NAV3: variants seen among roughly 807,000 people sequenced by gnomAD.
NAV3 encodes pore membrane and/or filament interacting like protein 1.
Under a neutral mutation model 244.7 loss-of-function variants are expected in NAV3, and 87 were observed. The ratio of observed to expected loss-of-function variants is 0.36; its 90% CI spans 0.30 to 0.42. NAV3 has a LOEUF of 0.42. Among genes scored for constraint, NAV3 ranks in the 20% least tolerant of loss-of-function variants. The probability of loss-of-function intolerance (pLI) is 1.00; values close to 1 mark genes in which losing one functional copy is unlikely to be tolerated. For synonymous variants in NAV3, 1,126 were observed against 1,042.2 expected (o/e 1.08, Z -1.55); for missense variants, 2,663 against 2,893.3 (o/e 0.92, Z 1.83).
At chr12:77,642,378 C>T (rs1872452789) in intron 2 of NAV3, among the ~76,000 whole-genome samples, 1 of 152,046 alleles carries the variant, frequency 6.6e-6, no homozygotes, top group Admixed American at 6.6e-5. Context: ...TTCAATCAGC[C>T]ACATGGGCTT....
At chr12:77,775,341 G>A (rs556144163) in intron 2 of NAV3, among the ~76,000 whole-genome samples, 31 of 150,848 alleles carry the variant, frequency 2.1e-4, no homozygotes, top group African/African-American at 7.3e-4. Flanking sequence ...GCAGTGAGCC[G>A]AGATTGCACC....
intron 18 of NAV3, among the ~76,000 whole-genome samples, chr12:78,135,741 C>T (rs1028800792): frequency 2.0e-5 from 3 of 152,030 alleles, no homozygotes; most frequent in African/African-American, 7.2e-5. Flanking sequence ...CTAATCAGAC[C>T]GAAATGGTAC....
intron 8 of NAV3, among the ~76,000 whole-genome samples, chr12:78,016,872 G>A (rs1481515000): frequency 6.6e-6 from 1 of 152,094 alleles, no homozygotes; most frequent in African/African-American, 2.4e-5. Flanking sequence ...AGTACATAAA[G>A]AATAACATTT....
At chr12:78,198,956 G>C (rs1959309184) in intron 36 of NAV3, 1 of 427,860 alleles carries the variant, frequency 2.3e-6, no homozygotes, top group Non-Finnish European at 4.2e-6. Flanking sequence ...GAAAAGTAAA[G>C]TAGATGTTTT....
chr12:78,083,291 C>G (rs1190759624), intron 12 of NAV3, among the ~76,000 whole-genome samples: 2 of 152,080 alleles, frequency 1.3e-5, no homozygotes, highest in Non-Finnish European at 2.9e-5. Flanking sequence ...CATGAGGGCT[C>G]AGCCCTCATG....
intron 1 of NAV3, among the ~76,000 whole-genome samples, chr12:77,866,430 G>T (rs1398961474): frequency 6.6e-6 from 1 of 152,104 alleles, no homozygotes; most frequent in African/African-American, 2.4e-5. Flanking sequence ...AGGCCCCCTG[G>T]TCTATGCAGC....
At chr12:78,122,662 C>T (rs546058520) in intron 16 of NAV3, among the ~76,000 whole-genome samples, 2 of 152,178 alleles carry the variant, frequency 1.3e-5, no homozygotes, top group South Asian at 4.2e-4. Context: ...CATTTATACC[C>T]AGTAGGCAAT....
chr12:78,162,901 T>A (rs1197780239), intron 23 of NAV3, among the ~76,000 whole-genome samples: 1 of 127,628 alleles, frequency 7.8e-6, no homozygotes, highest in Non-Finnish European at 1.8e-5. Context: ...AATATATATA[T>A]AAATATATAT....
At position 78,147,586 on chromosome 12, in the gene NAV3, T is replaced by G. The variant is rs190928185; in HGVS notation, c.4707+1194T>G. ...TCTTATAAATGTAAAGCAAATGTTA[T>G]TTTAGACTGGGGTGTATCTGTTCCG... On this transcript the variant is annotated intron_variant, in intron 21 of 39. Coordinates refer to ENST00000397909, the MANE Select transcript of NAV3 (RefSeq NM_001024383.2). 1.2e-4 allele frequency among the ~76,000 whole-genome samples: 18 copies of G among 149,640 alleles called. No homozygotes were observed. In the East Asian group the frequency reaches 2.5e-3, roughly 21 times the overall value.
intron 22 of NAV3, among the ~76,000 whole-genome samples, chr12:78,151,023 A>G (rs1280838708): frequency 6.6e-6 from 1 of 151,890 alleles, no homozygotes; most frequent in African/African-American, 2.4e-5. Flanking sequence ...AATTAGGGAA[A>G]AGAAAACATC....
At chr12:77,619,820 G>A (rs1355579847) in intron 2 of NAV3, among the ~76,000 whole-genome samples, 1 of 151,854 alleles carries the variant, frequency 6.6e-6, no homozygotes, top group Admixed American at 6.6e-5. Context: ...ACTTTGGAGT[G>A]AAAGTAATTA....
chr12:77,771,477 C>T (rs1949715534), intron 2 of NAV3, among the ~76,000 whole-genome samples: 2 of 152,222 alleles, frequency 1.3e-5, no homozygotes, highest in South Asian at 2.1e-4. Context: ...ATGTTTATTG[C>T]AGCACTATTC....
intron 2 of NAV3, among the ~76,000 whole-genome samples, chr12:77,701,514 A>G (rs936470715): frequency 7.3e-5 from 11 of 151,484 alleles, no homozygotes; most frequent in African/African-American, 2.7e-4. Flanking sequence ...CATTTTTATT[A>G]TTTTTTCATA....
chr12:77,832,026 A>G lies in NAV3; in HGVS notation c.243+322A>G, dbSNP rs1036024083. 2.6e-5 allele frequency among the ~76,000 whole-genome samples: 4 copies of G among 152,254 alleles called. No homozygotes were observed. The East Asian group carries it at 7.7e-4, about 29-fold the overall frequency. On this transcript the variant is annotated intron_variant, in intron 1 of 39. Transcript: ENST00000397909. The stretch of plus-strand genomic sequence containing the variant: ...AATCAGTCACAAATGTGAGAAAAAG[A>G]GAACCTATTGTCATCCATACTGCAA...
rs751314484 is a variant in NAV3 at position 77,804,686 on chromosome 12, GT to G, written c.73-135623del. 1.3e-4 allele frequency among the ~76,000 whole-genome samples: 19 copies of G among 148,186 alleles called. No individual in the cohort carries two copies. The East Asian group carries it at 1.6e-3, about 12-fold the overall frequency. On this transcript the variant is annotated intron_variant, in intron 2 of 8. Transcript: ENST00000550042. ...TTTGGTTTCATATGAAATTTGAAGT[GT>G]TTTTTTTTTAATTCTGTGAATAAAG...
intron 1 of NAV3, among the ~76,000 whole-genome samples, chr12:77,863,776 C>T (rs551502666): frequency 2.0e-5 from 3 of 151,750 alleles, no homozygotes; most frequent in East Asian, 3.9e-4. Context: ...TTTAAGGCTA[C>T]TCTGAGAATA....
intron 2 of NAV3, among the ~76,000 whole-genome samples, chr12:77,610,150 A>G (rs1350877911): frequency 6.6e-6 from 1 of 151,974 alleles, no homozygotes; most frequent in African/African-American, 2.4e-5. Flanking sequence ...GCCAAATACT[A>G]TTTTCAGGAG....
intron 2 of NAV3, among the ~76,000 whole-genome samples, chr12:77,818,314 ACTC>A (rs1405142558): frequency 6.6e-6 from 1 of 151,936 alleles, no homozygotes; most frequent in Non-Finnish European, 1.5e-5. Context: ...CAGAAATAAA[ACTC>A]CTAGAATGTA....
At position 78,210,782 on chromosome 12, in the gene NAV3, T is replaced by A. The variant is rs1960821761; in HGVS notation, c.*265T>A. The A allele has an allele frequency of 2.5e-6, 1 of 396,232 alleles. No homozygotes were observed. Among genetic ancestry groups the A allele is most frequent in the Non-Finnish European group, 4.6e-6 (1 of 219,530 alleles). 24.5% of individuals were successfully genotyped at this position (396,232 alleles called of 1,614,324 possible). ...ATTACTCAACTGGAAAGGACCCTAATGACAGGGCAACTGAACAGATTGCAC... is the reference window on the plus strand; with the variant it reads ...ATTACTCAACTGGAAAGGACCCTAAAGACAGGGCAACTGAACAGATTGCAC... On this transcript the variant is annotated 3_prime_UTR_variant, in exon 40 of 40. Transcript: ENST00000397909.
Sources: gnomAD v4.1 joint callset for allele counts (sites outside exome capture counted in the v4.1 genomes callset) on GRCh38, gnomAD v4.1.1 for gene constraint, MANE v1.5 for transcripts, NCBI Gene and HGNC (gene_info 2026-07-23, HGNC 2026-07-21) for gene names.